Variants in SNAP91 observed in about 807,000 individuals in gnomAD.
The protein encoded by SNAP91 is synaptosome associated protein 91.
SNAP91 carries 27 observed loss-of-function variants against 100.3 expected under a neutral mutation model. The observed-to-expected ratio is 0.27, with a 90% CI of 0.20 to 0.37. The LOEUF (loss-of-function observed/expected upper bound fraction) is 0.37, where lower values mean the gene tolerates loss of function less well. Ranked by LOEUF, SNAP91 falls within the 10% of genes least tolerant of loss-of-function variation. SNAP91 has a pLI of 1.00. For synonymous variants in SNAP91, 404 were observed against 398.6 expected (o/e 1.01, Z -0.16); for missense variants, 986 against 1,123.7 (o/e 0.88, Z 1.75).
intron 11 of SNAP91, among the ~76,000 whole-genome samples, chr6:83,613,971 C>A (rs760663734): frequency 6.6e-6 from 1 of 152,146 alleles, no homozygotes; most frequent in African/African-American, 2.4e-5. Flanking sequence ...GTAATCTACT[C>A]TAAATTCTGT....
At chr6:83,584,795 G>A (rs2092071582) in intron 22 of SNAP91, among the ~76,000 whole-genome samples, 1 of 152,080 alleles carries the variant, frequency 6.6e-6, no homozygotes, top group South Asian at 2.1e-4. Context: ...TCATATGAAA[G>A]CAAATGGCAG....
intron 2 of SNAP91, chr6:83,686,214 T>C (rs2099058209): frequency 1.0e-6 from 1 of 985,218 alleles, no homozygotes; most frequent in Non-Finnish European, 1.2e-6. Flanking sequence ...GAGTTCTTCC[T>C]GCACCGGGCC....
chr6:83,662,418 A>C lies in SNAP91; in HGVS notation c.278T>G (p.Phe93Cys). Residue 93 changes from phenylalanine to cysteine, a missense_variant, in exon 4 of 30, where the codon TTT (phenylalanine) becomes TGT (cysteine). Coordinates refer to ENST00000369694, the MANE Select transcript of SNAP91 (RefSeq NM_001242792.2). ...ATTTCTAGAAGCCAAATATTGAATA[A>C]ATCTCTGAAAAACAAAAATTAGAAT... ...HHLMVHGNER[F>C]IQYLASRNTL... 7.6e-7 allele frequency: 1 copy of C among 1,314,662 alleles called. No homozygotes were observed. Among genetic ancestry groups the C allele is most frequent in the South Asian group, 1.7e-5 (1 of 57,352 alleles). 81.4% of individuals were successfully genotyped at this position (1,314,662 alleles called of 1,614,324 possible).
At chr6:83,593,327 G>T in intron 18 of SNAP91, 68 bp from the exon 19 acceptor site, 1 of 1,523,984 alleles carries the variant, frequency 6.6e-7, no homozygotes, top group Non-Finnish European at 8.9e-7. Flanking sequence ...TCACTTCCCA[G>T]TCCTTAATTA....
At chr6:83,690,254 GA>G in intron 2 of SNAP91, 1 of 1,126,064 alleles carries the variant, frequency 8.9e-7, no homozygotes, top group Non-Finnish European at 1.1e-6. Flanking sequence ...ATCTCTTCTT[GA>G]GAAATAAATA....
intron 16 of SNAP91, among the ~76,000 whole-genome samples, chr6:83,599,198 A>G (rs2094867655): frequency 6.6e-6 from 1 of 152,248 alleles, no homozygotes; most frequent in African/African-American, 2.4e-5. Context: ...CAAAAACAGC[A>G]TAATGGCATG....
chr6:83,634,992 T>C (rs1178281500), intron 8 of SNAP91, among the ~76,000 whole-genome samples: 1 of 152,224 alleles, frequency 6.6e-6, no homozygotes, highest in Non-Finnish European at 1.5e-5. Context: ...TATTCTACTG[T>C]GGTCTAAGAA....
At chr6:83,657,148 GA>G (rs2098426902) in intron 6 of SNAP91, among the ~76,000 whole-genome samples, 1 of 152,092 alleles carries the variant, frequency 6.6e-6, no homozygotes, top group Non-Finnish European at 1.5e-5. Context: ...TTTAACTTTT[GA>G]AAATCTGGTG....
chr6:83,619,544 G>A (rs2096631099), intron 9 of SNAP91, among the ~76,000 whole-genome samples: 1 of 152,086 alleles, frequency 6.6e-6, no homozygotes, highest in Admixed American at 6.6e-5. Flanking sequence ...AAAGTCAATA[G>A]ACCAATCAGA....
chr6:83,558,412 C>T (rs1257424956), intron 28 of SNAP91, among the ~76,000 whole-genome samples: 1 of 152,230 alleles, frequency 6.6e-6, no homozygotes, highest in Non-Finnish European at 1.5e-5. Flanking sequence ...ACACAGGGTT[C>T]ACCAGTCTTC....
At chr6:83,592,118 G>A (rs573828487) in intron 21 of SNAP91, among the ~76,000 whole-genome samples, 15 of 152,288 alleles carry the variant, frequency 9.8e-5, no homozygotes, top group African/African-American at 3.6e-4. Flanking sequence ...ACTTAGAGAT[G>A]TTGATTTAGC....
At chr6:83,661,804 A>G (rs1035899631) in intron 4 of SNAP91, among the ~76,000 whole-genome samples, 200 bp from the exon 5 acceptor site, 1 of 152,170 alleles carries the variant, frequency 6.6e-6, no homozygotes, top group Non-Finnish European at 1.5e-5. Context: ...TTCTTCAATT[A>G]CTTATTCCAC....
At chr6:83,664,056 G>C (rs1423065600) in intron 3 of SNAP91, among the ~76,000 whole-genome samples, 1 of 152,032 alleles carries the variant, frequency 6.6e-6, no homozygotes, top group African/African-American at 2.4e-5. Flanking sequence ...TTTATAGTAT[G>C]GTTTACTGAA....
At chr6:83,683,171 C>T (rs2099015749) in intron 2 of SNAP91, among the ~76,000 whole-genome samples, 1 of 152,150 alleles carries the variant, frequency 6.6e-6, no homozygotes, top group South Asian at 2.1e-4. Context: ...GTCTTTCCTT[C>T]TCAGCCTTCA....
At position 83,659,013 on chromosome 6, in the gene SNAP91, G is replaced by A; in HGVS notation, c.532C>T (p.Leu178=). 6.2e-7 allele frequency: 1 copy of A among 1,601,654 alleles called. No homozygotes were observed. The highest frequency in any genetic ancestry group is 8.5e-7 in the Non-Finnish European group (1 of 1,173,138). ...GAGATACATACATCAAATTCAAGCA[G>A]TGCATCAATTTGTCCCTGTAGTATT... The part of the protein sequence containing the change: ...MPILQGQIDA[L]LEFDVHPNEL... The change falls in exon 6 of 30, where the codon CTG becomes TTG. Residue 178 remains leucine, a synonymous_variant. Coordinates refer to ENST00000369694, the MANE Select transcript of SNAP91 (RefSeq NM_001242792.2).
At chr6:83,645,375 AC>A (rs2097874898) in intron 7 of SNAP91, among the ~76,000 whole-genome samples, 1 of 151,924 alleles carries the variant, frequency 6.6e-6, no homozygotes, top group Non-Finnish European at 1.5e-5. Context: ...TATTATCAAC[AC>A]CTCTGAAAAG....
At chr6:83,627,661 G>A (rs1465406862) in intron 8 of SNAP91, among the ~76,000 whole-genome samples, 1 of 151,826 alleles carries the variant, frequency 6.6e-6, no homozygotes, top group East Asian at 1.9e-4. Context: ...GTAGTCTAGA[G>A]GATTTTTTCT....
chr6:83,641,643 C>A (rs540647144), intron 7 of SNAP91, among the ~76,000 whole-genome samples: 1 of 152,252 alleles, frequency 6.6e-6, no homozygotes, highest in Non-Finnish European at 1.5e-5. Context: ...AATAAACCTT[C>A]CTGAATTAAA....
intron 2 of SNAP91, among the ~76,000 whole-genome samples, chr6:83,701,750 A>G (rs913722647): frequency 6.6e-6 from 1 of 152,142 alleles, no homozygotes; most frequent in African/African-American, 2.4e-5. Flanking sequence ...GCCTGGTGAA[A>G]ATTCTTGAGA....
Sources: allele counts gnomAD v4.1 joint callset (sites outside exome capture counted in the v4.1 genomes callset), GRCh38; gene constraint gnomAD v4.1.1; transcripts MANE v1.5; gene names NCBI Gene and HGNC (gene_info 2026-07-23, HGNC 2026-07-21).